The following ABCA13 variants were observed in gnomAD, a reference collection of about 807,000 sequenced individuals.
ABCA13 encodes ATP-binding cassette sub-family A member 13.
ABCA13 carries 476 observed loss-of-function variants against 478.7 expected under a neutral mutation model. That is an observed-to-expected ratio of 0.99 (90% CI 0.92 to 1.07). The LOEUF (loss-of-function observed/expected upper bound fraction) is 1.07, where lower values mean the gene tolerates loss of function less well. ABCA13 is among the 50% of genes least tolerant of loss of function. ABCA13 has a pLI of 0.00. For missense variants in ABCA13, 6,060 were observed against 5,910.6 expected, an observed-to-expected ratio of 1.03 and a Z score of -0.83; for synonymous variants, 2,252 against 2,158.9, an observed-to-expected ratio of 1.04 and a Z score of -1.20.
chr7:48,309,556 A>T (rs1339911098), intron 23 of ABCA13, among the ~76,000 whole-genome samples: 1 of 152,180 alleles, frequency 6.6e-6, no homozygotes, highest in Non-Finnish European at 1.5e-5. Context: ...GTGGAAGCTG[A>T]TAAACTGAAA....
chr7:48,520,100 T>C lies in ABCA13; in HGVS notation c.13857T>C (p.Cys4619=), dbSNP rs61378229. 0.049 allele frequency: 79,621 copies of C among 1,613,458 alleles called. 2,989 individuals carry two copies. Among genetic ancestry groups the C allele is most frequent in the African/African-American group, 0.18 (13,234 of 74,996 alleles). ...KWVFTIFPQF[C]LGQGLVELCY... is the part of the protein sequence containing the mutation. Reference sequence around the variant, plus strand: ...TCTTTACTATTTTTCCTCAATTCTGTCTTGGTCAAGGACTGGTAGAACTCT... The same window carrying C: ...TCTTTACTATTTTTCCTCAATTCTGCCTTGGTCAAGGACTGGTAGAACTCT... The change falls in exon 53 of 62, where the codon TGT becomes TGC. Residue 4619 remains cysteine (C), a synonymous_variant. Coordinates refer to ENST00000435803, the MANE Select transcript of ABCA13 (RefSeq NM_152701.5).
At position 48,352,401 on chromosome 7, in the gene ABCA13, C is replaced by A. The variant is rs753128223; in HGVS notation, c.10602C>A (p.Ala3534=). ...FAPLQDMIER[A]IILVQTGQEA... is the part of the protein sequence containing the mutation. ...CACTGCAAGACATGATCGAAAGAGC[C>A]ATCATTTTGGTGCAGACTGGGCAGG... Residue 3534 remains alanine (A), a synonymous_variant, in exon 31 of 62, where the codon GCC becomes GCA. Transcript: ENST00000435803. The A allele has an allele frequency of 1.2e-6, 2 of 1,613,340 alleles. No individual in the cohort carries two copies. The highest frequency in any genetic ancestry group is 1.7e-6 in the Non-Finnish European group (2 of 1,179,752).
intron 14 of ABCA13, 77 bp downstream of exon 14, chr7:48,248,521 G>A: frequency 8.4e-7 from 1 of 1,185,580 alleles, no homozygotes. Context: ...CTACACAAAT[G>A]ATAGATCAAT....
intron 22 of ABCA13, 53 bp from the exon 23 acceptor site, chr7:48,298,313 A>C: frequency 6.6e-7 from 1 of 1,509,646 alleles, no homozygotes; most frequent in Non-Finnish European, 8.9e-7. Context: ...TTTCGCAGTC[A>C]GTAATGATCT....
At chr7:48,485,094 G>A (rs940879758) in intron 47 of ABCA13, among the ~76,000 whole-genome samples, 1 of 152,122 alleles carries the variant, frequency 6.6e-6, no homozygotes, top group Non-Finnish European at 1.5e-5. Flanking sequence ...CATCTTGAGT[G>A]TTTAGCTTGT....
At chr7:48,295,529 A>G (rs1799237813) in intron 20 of ABCA13, among the ~76,000 whole-genome samples, 171 bp from the exon 21 acceptor site, 1 of 152,232 alleles carries the variant, frequency 6.6e-6, no homozygotes. Flanking sequence ...AGCCAGGAGT[A>G]AAATCTGGGC....
Position 48,274,030 on chromosome 7 carries a change from A to G in ABCA13, c.4364A>G (p.His1455Arg). ...KKPLCSSNGS[H>R]INCVNIYLKD... Reference sequence around the variant, plus strand: ...CCTCTTTGTTCATCAAATGGCTCACATATAAATTGTGTCAATATTTACTTG... The same window carrying G: ...CCTCTTTGTTCATCAAATGGCTCACGTATAAATTGTGTCAATATTTACTTG... Residue 1455 changes from histidine to arginine, a missense_variant, in exon 17 of 62, where the codon CAT becomes CGT. This residue lies in a region of ABCA13 where 4,423 missense variants were observed against 4,309.1 expected (regional missense o/e 1.03). Coordinates refer to ENST00000435803, the MANE Select transcript of ABCA13 (RefSeq NM_152701.5). 6.2e-7 allele frequency: 1 copy of G among 1,605,826 alleles called. No individual in the cohort carries two copies. Among genetic ancestry groups the G allele is most frequent in the Non-Finnish European group, 8.5e-7 (1 of 1,173,906 alleles).
At chr7:48,215,534 AC>A (rs1428131936) in intron 3 of ABCA13, among the ~76,000 whole-genome samples, 3 of 152,198 alleles carry the variant, frequency 2.0e-5, no homozygotes, top group Non-Finnish European at 4.4e-5. Flanking sequence ...GCATTGATAG[AC>A]TTGCTCAGTG....
At chr7:48,637,381 C>CAAAAAGA (rs1794732914) in intron 59 of ABCA13, among the ~76,000 whole-genome samples, 2 of 20,248 alleles carry the variant, frequency 9.9e-5, no homozygotes, top group Non-Finnish European at 1.7e-4. Context: ...GTTCATAAAG[C>CAAAAAGA]AAAAAAAAAA....
At chr7:48,301,533 T>C (rs186297088) in intron 23 of ABCA13, among the ~76,000 whole-genome samples, 1 of 152,230 alleles carries the variant, frequency 6.6e-6, no homozygotes, top group African/African-American at 2.4e-5. Context: ...TTTTTTTTTT[T>C]CTTTCTCTGA....
At chr7:48,323,131 T>C (rs1803755699) in intron 27 of ABCA13, among the ~76,000 whole-genome samples, 2 of 152,184 alleles carry the variant, frequency 1.3e-5, no homozygotes, top group South Asian at 4.1e-4. Context: ...CTTTGGCGAT[T>C]ATCAGTGGAG....
In ABCA13 at chr7:48,580,391, T is replaced by C. The variant is rs542908705; in HGVS notation, c.14505+17T>C. 21 of 1,605,322 alleles carry C rather than the reference T, an allele frequency of 1.3e-5. No homozygotes were observed. In the South Asian group the frequency reaches 2.2e-4, roughly 17 times the overall value. On this transcript the variant is annotated intron_variant, in intron 56 of 61. Coordinates refer to ENST00000435803, the MANE Select transcript of ABCA13 (RefSeq NM_152701.5). ...ATCCCTGAGGTAAATCTCCCTGGGG[T>C]CTTCTAGATAAAGGGACCCATTGAG...
Position 48,506,342 on chromosome 7 carries a change from C to T in ABCA13, c.13298C>T (p.Thr4433Ile), listed in dbSNP as rs369509665. Residue 4433 changes from threonine to isoleucine, a missense_variant, in exon 49 of 62, where the codon ACA becomes ATA. By Grantham distance (89) the Thr-to-Ile change is moderately conservative. This residue lies in a region of ABCA13 where 1,627 missense variants were observed against 1,571.0 expected (regional missense o/e 1.04). Coordinates refer to ENST00000435803, the MANE Select transcript of ABCA13 (RefSeq NM_152701.5). Reference sequence around the variant, plus strand: ...TTCAATTTGTCTTTCACAGGAATAACACTCTACAGCCACCCATATGGAGGG... The same window carrying T: ...TTCAATTTGTCTTTCACAGGAATAATACTCTACAGCCACCCATATGGAGGG... The part of the protein sequence containing the change: ...PTVDWRQYGI[T>I]LYSHPYGGAL... 4.8e-5 allele frequency: 77 copies of T among 1,613,706 alleles called. No individual in the cohort carries two copies. Among genetic ancestry groups the T allele is most frequent in the Admixed American group, 2.2e-4 (13 of 60,002 alleles).
At chr7:48,441,943 A>C (rs1823658592) in intron 42 of ABCA13, among the ~76,000 whole-genome samples, 1 of 152,158 alleles carries the variant, frequency 6.6e-6, no homozygotes, top group Non-Finnish European at 1.5e-5. Flanking sequence ...AAACCTACAA[A>C]AGAACTGTGT....
intron 59 of ABCA13, among the ~76,000 whole-genome samples, chr7:48,626,286 A>G (rs1793657413): frequency 6.6e-6 from 1 of 152,152 alleles, no homozygotes; most frequent in South Asian, 2.1e-4. Flanking sequence ...GTTTTAGGGG[A>G]AGGATTGGCA....
intron 38 of ABCA13, among the ~76,000 whole-genome samples, chr7:48,395,268 C>T (rs866630974): frequency 3.3e-5 from 5 of 152,126 alleles, no homozygotes; most frequent in South Asian, 4.1e-4. Flanking sequence ...CTGGGGTGAG[C>T]CCAAGTCGCA....
intron 43 of ABCA13, among the ~76,000 whole-genome samples, chr7:48,462,174 A>C (rs564929675): frequency 6.6e-6 from 1 of 152,018 alleles, no homozygotes; most frequent in Non-Finnish European, 1.5e-5. Context: ...AAAGTAAGGC[A>C]GGAAGTCTAG....
chr7:48,321,339 G>A (rs1803422110), intron 27 of ABCA13, among the ~76,000 whole-genome samples: 2 of 152,170 alleles, frequency 1.3e-5, no homozygotes, highest in South Asian at 4.1e-4. Flanking sequence ...CCAGACGGGA[G>A]CGGGTGGGAG....
intron 61 of ABCA13, 88 bp from the exon 62 acceptor site, chr7:48,645,329 G>C: frequency 9.9e-7 from 1 of 1,011,972 alleles, no homozygotes; most frequent in Non-Finnish European, 1.5e-6. Flanking sequence ...AAGTTGGCCA[G>C]TGTTCTGAGA....
Sources: allele counts gnomAD v4.1 joint callset (sites outside exome capture counted in the v4.1 genomes callset), GRCh38; gene constraint gnomAD v4.1.1; regional missense constraint gnomAD v4.1.1; transcripts MANE v1.5; gene names NCBI Gene and HGNC (gene_info 2026-07-23, HGNC 2026-07-21).